COP1: variants seen among roughly 807,000 people sequenced by gnomAD.
The protein encoded by COP1 is E3 ubiquitin-protein ligase COP1.
Under a neutral mutation model 101.3 loss-of-function variants are expected in COP1, and 24 were observed. The ratio of observed to expected loss-of-function variants is 0.24; its 90% confidence interval spans 0.17 to 0.33. The LOEUF (loss-of-function observed/expected upper bound fraction) is 0.33, where lower values mean the gene tolerates loss of function less well. COP1 is among the 10% of genes least tolerant of loss of function. The pLI is 1.00. For missense variants in COP1, 663 were observed against 906.2 expected (o/e 0.73, Z 3.45); for synonymous variants, 347 against 341.9 (o/e 1.01, Z -0.17).
chr1:176,178,075 T>A (rs774008736), intron 2 of COP1, among the ~76,000 whole-genome samples: 3 of 152,160 alleles, frequency 2.0e-5, no homozygotes, highest in Non-Finnish European at 4.4e-5. Flanking sequence ...TCACAAAATA[T>A]GCTTCATGTA....
intron 18 of COP1, among the ~76,000 whole-genome samples, chr1:175,982,881 T>C (rs1656201459): frequency 1.3e-5 from 2 of 151,808 alleles, no homozygotes; most frequent in Admixed American, 1.3e-4. Flanking sequence ...GGGATGGGAG[T>C]GGGAGGATGC....
chr1:176,087,872 T>A (rs1472970514), intron 9 of COP1, among the ~76,000 whole-genome samples: 1 of 152,120 alleles, frequency 6.6e-6, no homozygotes, highest in Non-Finnish European at 1.5e-5. Context: ...CCATCAATGA[T>A]AGACTGGATT....
chr1:176,074,075 C>T (rs925255767), intron 11 of COP1, among the ~76,000 whole-genome samples: 2 of 151,980 alleles, frequency 1.3e-5, no homozygotes, highest in Non-Finnish European at 2.9e-5. Context: ...TACAGGCATA[C>T]GCCACCATGC....
At chr1:176,053,379 A>ATG (rs1672906948) in intron 11 of COP1, among the ~76,000 whole-genome samples, 3 of 152,082 alleles carry the variant, frequency 2.0e-5, no homozygotes, top group Non-Finnish European at 4.4e-5. Flanking sequence ...ATACCACCCA[A>ATG]TATGTGTCCT....
rs934936099 is a variant in COP1 at position 176,138,972 on chromosome 1, A to G, written c.832-2425T>C. Among the ~76,000 whole-genome samples the G allele has an allele frequency of 5.3e-5, 8 of 152,342 alleles. No homozygotes were observed. In the South Asian group the frequency reaches 1.4e-3, roughly 28 times the overall value. ...TATTTAAACAAATGCTTTACTATAT[A>G]TAAGAGGTCTTTAGAATAATTGCTT... On this transcript the variant is annotated intron_variant, in intron 6 of 19. Coordinates refer to ENST00000367669, the MANE Select transcript of COP1 (RefSeq NM_022457.7).
At chr1:176,180,763 T>C (rs1697632364) in intron 2 of COP1, among the ~76,000 whole-genome samples, 1 of 152,068 alleles carries the variant, frequency 6.6e-6, no homozygotes, top group African/African-American at 2.4e-5. Flanking sequence ...AAGAATAAAC[T>C]ATAACAAGAA....
At chr1:176,091,983 A>G (rs1681412636) in intron 9 of COP1, among the ~76,000 whole-genome samples, 1 of 152,168 alleles carries the variant, frequency 6.6e-6, no homozygotes, top group African/African-American at 2.4e-5. Flanking sequence ...GATGAAAAAC[A>G]TTAATATGGA....
intron 8 of COP1, among the ~76,000 whole-genome samples, chr1:176,130,689 T>C (rs945788855): frequency 6.6e-6 from 1 of 151,798 alleles, no homozygotes; most frequent in African/African-American, 2.4e-5. Context: ...CTGTGAAAAT[T>C]AAATGACATT....
chr1:176,003,861 A>G (rs1199776682), intron 15 of COP1, among the ~76,000 whole-genome samples: 1 of 152,040 alleles, frequency 6.6e-6, no homozygotes, highest in African/African-American at 2.4e-5. Context: ...TATGAACTTG[A>G]AAGTAGTTTT....
At chr1:176,107,695 G>A (rs1337690175) in intron 9 of COP1, among the ~76,000 whole-genome samples, 1 of 152,122 alleles carries the variant, frequency 6.6e-6, no homozygotes, top group Non-Finnish European at 1.5e-5. Flanking sequence ...TCAAAGGGAA[G>A]AAACTTTACA....
chr1:176,144,672 T>C (rs535772317), intron 6 of COP1, among the ~76,000 whole-genome samples: 2 of 152,022 alleles, frequency 1.3e-5, no homozygotes, highest in African/African-American at 2.4e-5. Flanking sequence ...TACAAGGTGG[T>C]ATTGCGAAAA....
intron 18 of COP1, among the ~76,000 whole-genome samples, chr1:175,973,327 T>C (rs1156293643): frequency 5.3e-5 from 8 of 152,220 alleles, no homozygotes; most frequent in African/African-American, 1.9e-4. Flanking sequence ...CAGGACTGGG[T>C]TGCTACCTAA....
chr1:176,194,205 C>T (rs1295849284), intron 1 of COP1, among the ~76,000 whole-genome samples: 1 of 151,238 alleles, frequency 6.6e-6, no homozygotes, highest in African/African-American at 2.4e-5. Context: ...CCAATTAATC[C>T]CAAAAGCAAG....
intron 18 of COP1, among the ~76,000 whole-genome samples, chr1:175,972,400 G>A (rs912365816): frequency 2.0e-5 from 3 of 151,408 alleles, no homozygotes; most frequent in Non-Finnish European, 2.9e-5. Flanking sequence ...AGAATTTACC[G>A]AATACCTACT....
At chr1:176,058,183 A>G (rs866156189) in intron 11 of COP1, among the ~76,000 whole-genome samples, 6 of 114,082 alleles carry the variant, frequency 5.3e-5, no homozygotes, top group Admixed American at 8.4e-5. Context: ...CCCGGTAGGG[A>G]GGGGGGGGGT....
chr1:176,057,003 T>C (rs1022008512), intron 11 of COP1, among the ~76,000 whole-genome samples: 23 of 152,176 alleles, frequency 1.5e-4, no homozygotes, highest in African/African-American at 5.3e-4. Flanking sequence ...ACGTTATACC[T>C]CCAAAAATAT....
chr1:176,017,484 C>G (rs1200823568), intron 15 of COP1: 1 of 152,126 alleles, frequency 6.6e-6, no homozygotes, highest in Non-Finnish European at 1.5e-5. Context: ...CACAGGTCCA[C>G]TGGTTACTAA....
chr1:176,058,172 G>A (rs1230862080), intron 11 of COP1, among the ~76,000 whole-genome samples: 1 of 22,424 alleles, frequency 4.5e-5, no homozygotes, highest in Non-Finnish European at 1.7e-4. Context: ...CAGCCGCCCC[G>A]CCCGGTAGGG....
At chr1:175,949,039 C>T (rs908384830) in intron 18 of COP1, among the ~76,000 whole-genome samples, 7 of 150,824 alleles carry the variant, frequency 4.6e-5, no homozygotes, top group African/African-American at 7.3e-5. Context: ...GGCGTGTGCC[C>T]GTAGTCCCAG....
Sources: allele counts gnomAD v4.1 joint callset (sites outside exome capture counted in the v4.1 genomes callset), GRCh38; gene constraint gnomAD v4.1.1; transcripts MANE v1.5; gene names NCBI Gene and HGNC (gene_info 2026-07-23, HGNC 2026-07-21).